Variants in NADSYN1 observed in about 807,000 individuals in gnomAD.
The protein encoded by NADSYN1 is glutamine-dependent NAD(+) synthetase.
NADSYN1 carries 80 observed loss-of-function variants against 99.3 expected under a neutral mutation model. That is an observed-to-expected ratio of 0.81 (90% CI 0.67 to 0.97). NADSYN1 has a LOEUF of 0.97. NADSYN1 is among the 50% of genes least tolerant of loss of function. NADSYN1 has a pLI of 0.00. For missense variants in NADSYN1, 859 were observed against 948.5 expected (o/e 0.91, Z 1.24); for synonymous variants, 385 against 372.1 (o/e 1.03, Z -0.40).
chr11:71,477,448 CCT>C (rs1213240568), intron 9 of NADSYN1: 19 of 1,289,502 alleles, frequency 1.5e-5, no homozygotes, highest in Middle Eastern at 4.3e-4. Context: ...GGTATGGCCC[CCT>C]GTTACGGCGG....
At chr11:71,456,832 G>C (rs1009226008) in intron 2 of NADSYN1, among the ~76,000 whole-genome samples, 1 of 152,206 alleles carries the variant, frequency 6.6e-6, no homozygotes, top group Non-Finnish European at 1.5e-5. Context: ...TTACAGAGAG[G>C]AAACCGAGGC....
chr11:71,460,058 C>G (rs543281452), intron 3 of NADSYN1: 2 of 152,514 alleles, frequency 1.3e-5, no homozygotes, highest in Non-Finnish European at 2.9e-5. Flanking sequence ...GGCCTGTGGC[C>G]CCTCCCAGCT....
At chr11:71,465,299 G>A (rs1949580276) in intron 5 of NADSYN1, among the ~76,000 whole-genome samples, 1 of 152,124 alleles carries the variant, frequency 6.6e-6, no homozygotes, top group Admixed American at 6.5e-5. Context: ...CATACTCATT[G>A]CTTCCTTATC....
At chr11:71,473,168 A>G in intron 6 of NADSYN1, 110 bp from the exon 7 acceptor site, 1 of 1,059,042 alleles carries the variant, frequency 9.4e-7, no homozygotes, top group Non-Finnish European at 1.4e-6. Flanking sequence ...GCGAGAGCCC[A>G]GAGCCAACTC....
chr11:71,497,736 A>C, intron 19 of NADSYN1, 125 bp downstream of exon 19: 420 of 1,225,994 alleles, frequency 3.4e-4, no homozygotes, highest in Middle Eastern at 5.7e-4. Context: ...ACTGTATCTC[A>C]CACAGTAACA....
At chr11:71,458,820 A>C (rs1470821065) in intron 3 of NADSYN1, 2 of 349,846 alleles carry the variant, frequency 5.7e-6, no homozygotes, top group Non-Finnish European at 1.1e-5. Context: ...GGAATGCAGC[A>C]TTCACCCCAC....
chr11:71,493,819 A>G (rs1949800740), intron 18 of NADSYN1, among the ~76,000 whole-genome samples: 1 of 151,974 alleles, frequency 6.6e-6, no homozygotes, highest in African/African-American at 2.4e-5. Context: ...GAGTCAAACA[A>G]TTTTTTTTAA....
In NADSYN1 at chr11:71,478,399, T is replaced by C; in HGVS notation, c.803T>C (p.Val268Ala). The change falls in exon 10 of 21, where the codon GTC becomes GCC. Residue 268 changes from valine (V) to alanine (A), a missense_variant. Coordinates refer to ENST00000319023, the MANE Select transcript of NADSYN1 (RefSeq NM_018161.5). ...CTTTGAAATTTCCTTCTCCAGGAAG[T>C]CCTGACGGCCACGCTGGATCTGGAG... ...GSQFSLDDVE[V>A]LTATLDLEDV... is the part of the protein sequence containing the mutation. The C allele has an allele frequency of 6.2e-7, 1 of 1,605,254 alleles. No individual in the cohort carries two copies.
At chr11:71,473,827 T>C (rs1312827246) in intron 8 of NADSYN1, 141 bp downstream of exon 8, 3 of 721,176 alleles carry the variant, frequency 4.2e-6, no homozygotes, top group East Asian at 2.5e-5. Context: ...ACTCAACAAG[T>C]GTGCCCTGCT....
chr11:71,458,525 ATCATC>A lies in NADSYN1; in HGVS notation c.246_250del (p.Ile82MetfsTer37), dbSNP rs1949528104. ...TGTGGAGTCTCCCGTCACTCAGGAC[ATCATC>A]TGCGACGTGGGGATGTAAGTGCCAG... On this transcript the variant is annotated frameshift_variant, in exon 3 of 21. Coordinates refer to ENST00000319023, the MANE Select transcript of NADSYN1 (RefSeq NM_018161.5). LOFTEE classifies it high-confidence loss of function. 1 of 1,610,520 alleles carries A rather than the reference ATCATC, an allele frequency of 6.2e-7. No individual in the cohort carries two copies. The highest frequency in any genetic ancestry group is 2.2e-5 in the East Asian group (1 of 44,872).
chr11:71,497,684 T>A (rs1173766458), intron 19 of NADSYN1, 73 bp downstream of exon 19: 6 of 1,585,180 alleles, frequency 3.8e-6, no homozygotes, highest in Middle Eastern at 2.1e-4. Context: ...CGGTTTGACC[T>A]GTAGGAACAA....
At chr11:71,461,953 C>T (rs781032655) in intron 3 of NADSYN1, among the ~76,000 whole-genome samples, 4 of 152,288 alleles carry the variant, frequency 2.6e-5, no homozygotes, top group African/African-American at 7.2e-5. Flanking sequence ...TTGTGGTGGC[C>T]GCAGCCAGGA....
intron 18 of NADSYN1, among the ~76,000 whole-genome samples, chr11:71,494,166 A>G (rs1434830501): frequency 6.6e-6 from 1 of 151,282 alleles, no homozygotes; most frequent in Non-Finnish European, 1.5e-5. Flanking sequence ...CCCACCCCTC[A>G]CTCCCTGACT....
intron 16 of NADSYN1, among the ~76,000 whole-genome samples, chr11:71,489,505 C>G (rs1264311821): frequency 6.6e-6 from 1 of 152,156 alleles, no homozygotes; most frequent in South Asian, 2.1e-4. Context: ...GAGTCAGCCC[C>G]GGCGGATTTC....
At chr11:71,467,843 T>A (rs1009454638) in intron 5 of NADSYN1, among the ~76,000 whole-genome samples, 1 of 152,206 alleles carries the variant, frequency 6.6e-6, no homozygotes, top group Non-Finnish European at 1.5e-5. Context: ...GTTTAAAAGA[T>A]GCTGTTCTCA....
intron 11 of NADSYN1, 50 bp downstream of exon 11, chr11:71,480,929 C>A: frequency 6.2e-7 from 1 of 1,603,042 alleles, no homozygotes; most frequent in Non-Finnish European, 8.5e-7. Context: ...TGTGGCCACG[C>A]CCCTGGGGTG....
At position 71,498,533 on chromosome 11, in the gene NADSYN1, A is replaced by G. The variant is rs1949836239; in HGVS notation, c.2070+5A>G. 3 of 1,612,788 alleles carry G rather than the reference A, an allele frequency of 1.9e-6. No individual in the cohort carries two copies. The highest frequency in any genetic ancestry group is 2.5e-6 in the Non-Finnish European group (3 of 1,178,946). ...TTTCGGTGCATAGAAAATCAGGTAA[A>G]TCCAGCAGAAATGTTTCTCTCTCCA... On this transcript the variant is annotated splice_donor_5th_base_variant and intron_variant, in intron 20 of 20. Coordinates refer to ENST00000319023, the MANE Select transcript of NADSYN1 (RefSeq NM_018161.5).
At position 71,490,947 on chromosome 11, in the gene NADSYN1, C is replaced by G. The variant is rs1277207991; in HGVS notation, c.1665C>G (p.Ile555Met). Residue 555 changes from isoleucine (I) to methionine (M), a missense_variant, in exon 17 of 21, where the codon ATC becomes ATG. Coordinates refer to ENST00000319023, the MANE Select transcript of NADSYN1 (RefSeq NM_018161.5). ...TCAGGGCCTTCGTCCAGTTCTGCAT[C>G]CAGCGCTTCCAGCTTCCTGCCCTGC... ...TDLRAFVQFC[I>M]QRFQLPALQS... The G allele has an allele frequency of 1.2e-6, 2 of 1,614,228 alleles. No homozygotes were observed. The highest frequency in any genetic ancestry group is 1.7e-6 in the Non-Finnish European group (2 of 1,180,044).
At chr11:71,463,773 G>A (rs1282385548) in intron 4 of NADSYN1, among the ~76,000 whole-genome samples, 1 of 152,324 alleles carries the variant, frequency 6.6e-6, no homozygotes, top group African/African-American at 2.4e-5. Context: ...AGCCAGTCCA[G>A]GTGAGCAAGT....
Sources: gnomAD v4.1 joint callset for allele counts (sites outside exome capture counted in the v4.1 genomes callset) on GRCh38, gnomAD v4.1.1 for gene constraint, MANE v1.5 for transcripts, NCBI Gene and HGNC (gene_info 2026-07-23, HGNC 2026-07-21) for gene names.